Variants in OLA1 observed in about 807,000 individuals in gnomAD.
OLA1 encodes Obg like ATPase 1.
A neutral mutation model predicts 48.4 loss-of-function variants in OLA1; 14 were observed. The ratio of observed to expected loss-of-function variants is 0.29; its 90% CI spans 0.19 to 0.45. The LOEUF is 0.45. OLA1 is among the 20% of genes least tolerant of loss of function. The probability of loss-of-function intolerance (pLI) is 1.00; values close to 1 mark genes in which losing one functional copy is unlikely to be tolerated. For missense variants in OLA1, 325 were observed against 467.1 expected (o/e 0.70, Z 2.80); for synonymous variants, 127 against 150.4 (o/e 0.84, Z 1.14).
chr2:174,082,522 A>G (rs1347548155), intron 7 of OLA1, among the ~76,000 whole-genome samples: 2 of 152,184 alleles, frequency 1.3e-5, no homozygotes, highest in Non-Finnish European at 2.9e-5. Flanking sequence ...CCAGCCAGAT[A>G]TCTATATGCC....
intron 5 of OLA1, among the ~76,000 whole-genome samples, chr2:174,137,707 G>A (rs1037003310): frequency 6.6e-6 from 1 of 152,204 alleles, no homozygotes; most frequent in Non-Finnish European, 1.5e-5. Context: ...TAAACCACAT[G>A]AAACAACCTC....
chr2:174,207,708 T>C (rs927504028), intron 4 of OLA1, among the ~76,000 whole-genome samples: 1 of 152,138 alleles, frequency 6.6e-6, no homozygotes, highest in Non-Finnish European at 1.5e-5. Flanking sequence ...TTCAAAAAAA[T>C]TGATATGCTC....
At chr2:174,203,887 C>CG (rs1226183492) in intron 4 of OLA1, among the ~76,000 whole-genome samples, 2 of 150,372 alleles carry the variant, frequency 1.3e-5, no homozygotes, top group Non-Finnish European at 3.0e-5. Flanking sequence ...CTCTGCCGCC[C>CG]GGGTTCAAGT....
chr2:174,084,695 A>AC (rs1251241268), intron 7 of OLA1, among the ~76,000 whole-genome samples: 5 of 152,146 alleles, frequency 3.3e-5, no homozygotes, highest in Non-Finnish European at 7.3e-5. Flanking sequence ...TACAAACCAT[A>AC]CCCCAAACTA....
intron 7 of OLA1, among the ~76,000 whole-genome samples, chr2:174,093,802 C>CT (rs1218486537): frequency 1.3e-5 from 2 of 152,204 alleles, no homozygotes; most frequent in African/African-American, 4.8e-5. Context: ...ACAAGATAAA[C>CT]TTATATCTGG....
chr2:174,233,022 T>C (rs992630679), intron 2 of OLA1, among the ~76,000 whole-genome samples: 1 of 152,162 alleles, frequency 6.6e-6, no homozygotes, highest in Non-Finnish European at 1.5e-5. Flanking sequence ...ACTCAGCCCT[T>C]AAAAAGAAGG....
intron 7 of OLA1, among the ~76,000 whole-genome samples, chr2:174,087,713 C>T (rs1278620425): frequency 1.3e-5 from 2 of 152,160 alleles, no homozygotes; most frequent in Non-Finnish European, 2.9e-5. Context: ...ATAGTTTTCT[C>T]CAGCATACGT....
intron 4 of OLA1, among the ~76,000 whole-genome samples, chr2:174,154,419 C>CTTTA (rs1247463149): frequency 3.9e-5 from 6 of 152,076 alleles, no homozygotes; most frequent in African/African-American, 1.5e-4. Context: ...TCATAAAGGC[C>CTTTA]AGAAAGTTCC....
intron 4 of OLA1, among the ~76,000 whole-genome samples, chr2:174,148,554 T>C (rs1020009596): frequency 3.9e-5 from 6 of 152,202 alleles, no homozygotes; most frequent in Admixed American, 6.5e-5. Context: ...CTGGATTCTA[T>C]CACAGAGATT....
chr2:174,199,962 C>T (rs946551748), intron 4 of OLA1, among the ~76,000 whole-genome samples: 2 of 151,702 alleles, frequency 1.3e-5, no homozygotes, highest in Admixed American at 6.6e-5. Context: ...TATAAGAATC[C>T]AGCTGTCCTC....
chr2:174,223,424 T>TA (rs946164232), intron 3 of OLA1, among the ~76,000 whole-genome samples: 17 of 152,198 alleles, frequency 1.1e-4, no homozygotes, highest in African/African-American at 4.1e-4. Flanking sequence ...TTAAAACTCT[T>TA]ATCATTAATT....
At chr2:174,174,097 T>G (rs1417717359) in intron 4 of OLA1, among the ~76,000 whole-genome samples, 2 of 150,480 alleles carry the variant, frequency 1.3e-5, no homozygotes, top group Admixed American at 1.3e-4. Flanking sequence ...GTAAATTTTA[T>G]CAAGCATTTA....
chr2:174,209,256 A>G (rs1688186662), intron 4 of OLA1, among the ~76,000 whole-genome samples: 1 of 152,196 alleles, frequency 6.6e-6, no homozygotes, highest in Admixed American at 6.5e-5. Flanking sequence ...TCATCAATAC[A>G]TTCTACTACT....
intron 2 of OLA1, among the ~76,000 whole-genome samples, chr2:174,238,488 T>A: frequency 9.8e-6 from 1 of 101,908 alleles, no homozygotes; most frequent in African/African-American, 3.7e-5. Flanking sequence ...AGTGAGACTC[T>A]ATGTCCAAAA....
At chr2:174,247,879 C>T (rs2105471432) in intron 1 of OLA1, 1 of 1,299,960 alleles carries the variant, frequency 7.7e-7, no homozygotes. Context: ...TTACTCCCAC[C>T]CTTGGACTGC....
intron 7 of OLA1, among the ~76,000 whole-genome samples, chr2:174,082,935 G>A (rs1046690723): frequency 5.3e-5 from 8 of 151,970 alleles, no homozygotes; most frequent in South Asian, 2.1e-4. Context: ...GTTACTGAAC[G>A]TTTCTAAGCC....
intron 2 of OLA1, among the ~76,000 whole-genome samples, chr2:174,246,023 G>T (rs12476529): frequency 6.6e-6 from 1 of 151,936 alleles, no homozygotes. Flanking sequence ...ATTACAGCTG[G>T]GCTCAGTGGC....
intron 7 of OLA1, among the ~76,000 whole-genome samples, chr2:174,085,279 C>T (rs988067795): frequency 1.3e-5 from 2 of 152,182 alleles, no homozygotes; most frequent in South Asian, 2.1e-4. Flanking sequence ...CAGGCCATGG[C>T]CTGTTAGGAA....
rs534088152 is a variant in OLA1, at chr2:174,239,165, CAAT to C, written c.101+7547_101+7549del. ...TTTAATCACCATTTGGCAAACACCA[CAAT>C]AATAACTGTTTCAGTAAGAATCAAT... is the stretch of plus-strand genomic sequence containing the variant. On this transcript the variant is annotated intron_variant, in intron 2 of 10. Transcript: ENST00000284719. Among the ~76,000 whole-genome samples, 20 of 152,162 alleles carry C rather than the reference CAAT, an allele frequency of 1.3e-4. 1 individual carries two copies. Among genetic ancestry groups the C allele is most frequent in the African/African-American group, 4.6e-4 (19 of 41,522 alleles).
Sources: allele counts gnomAD v4.1 joint callset (sites outside exome capture counted in the v4.1 genomes callset), GRCh38; gene constraint gnomAD v4.1.1; transcripts MANE v1.5; gene names NCBI Gene and HGNC (gene_info 2026-07-23, HGNC 2026-07-21).